The following ROBO2 variants were observed in gnomAD, a reference collection of about 807,000 sequenced individuals.
ROBO2 encodes the protein roundabout guidance receptor 2.
A neutral mutation model predicts 160.8 loss-of-function variants in ROBO2; 53 were observed. The observed-to-expected ratio is 0.33, with a 90% CI of 0.26 to 0.41. The LOEUF (loss-of-function observed/expected upper bound fraction) is 0.41, where lower values mean the gene tolerates loss of function less well. Ranked by LOEUF, ROBO2 falls within the 10% of genes least tolerant of loss-of-function variation. ROBO2 has a pLI of 1.00. For missense variants in ROBO2, 1,577 were observed against 1,722.4 expected, an observed-to-expected ratio of 0.92 and a Z score of 1.49; for synonymous variants, 664 against 611.7, an observed-to-expected ratio of 1.09 and a Z score of -1.26.
intron 2 of ROBO2, among the ~76,000 whole-genome samples, chr3:76,335,157 A>G (rs937294896): frequency 8.7e-5 from 13 of 148,580 alleles, no homozygotes; most frequent in Non-Finnish European, 1.6e-4. Flanking sequence ...ATGAGCCACC[A>G]CATCCAAACT....
intron 2 of ROBO2, among the ~76,000 whole-genome samples, chr3:76,836,286 A>G (rs7622753): frequency 0.13 from 19,385 of 151,890 alleles, 1,392 homozygotes; most frequent in East Asian, 0.24. Flanking sequence ...ATTTTCCCAC[A>G]TCAGATATTC....
chr3:76,955,886 G>A (rs2079216366), intron 2 of ROBO2, among the ~76,000 whole-genome samples: 2 of 108,644 alleles, frequency 1.8e-5, no homozygotes, highest in African/African-American at 3.3e-5. Flanking sequence ...GTGAGACTCC[G>A]TCAAAAAAAA....
At chr3:77,075,472 AG>A (rs1188726233) in intron 1 of ROBO2, among the ~76,000 whole-genome samples, 1 of 152,064 alleles carries the variant, frequency 6.6e-6, no homozygotes, top group Non-Finnish European at 1.5e-5. Context: ...GGGGTAGGGT[AG>A]GGGAGAGGTG....
intron 2 of ROBO2, among the ~76,000 whole-genome samples, chr3:77,134,047 A>G (rs1232633505): frequency 1.3e-5 from 2 of 152,142 alleles, no homozygotes; most frequent in African/African-American, 4.8e-5. Flanking sequence ...GCGGTGGCAC[A>G]TGCCTGTAAT....
intron 2 of ROBO2, among the ~76,000 whole-genome samples, chr3:76,554,865 T>G (rs1463457722): frequency 6.6e-6 from 1 of 151,956 alleles, no homozygotes; most frequent in African/African-American, 2.4e-5. Flanking sequence ...AGTGGGAGAA[T>G]CAGGGAAAAA....
chr3:76,165,762 G>T (rs1401714715), intron 2 of ROBO2, among the ~76,000 whole-genome samples: 1 of 152,034 alleles, frequency 6.6e-6, no homozygotes, highest in Non-Finnish European at 1.5e-5. Context: ...TTTCAATATT[G>T]TTGTATCTCA....
intron 2 of ROBO2, among the ~76,000 whole-genome samples, chr3:76,643,710 G>C (rs1194079959): frequency 6.6e-6 from 1 of 151,966 alleles, no homozygotes; most frequent in Non-Finnish European, 1.5e-5. Context: ...ATGCTATCTG[G>C]ACATTCTTTA....
intron 2 of ROBO2, among the ~76,000 whole-genome samples, chr3:77,354,441 CA>C (rs1359889413): frequency 3.2e-4 from 3 of 9,502 alleles, no homozygotes; most frequent in Admixed American, 2.1e-3. Context: ...GAATTTGCAT[CA>C]TGAATTTGCA....
At chr3:77,437,276 T>A (rs1004547594) in intron 2 of ROBO2, among the ~76,000 whole-genome samples, 2 of 152,026 alleles carry the variant, frequency 1.3e-5, no homozygotes, top group Non-Finnish European at 2.9e-5. Context: ...TAAAAGTTTG[T>A]TTATGATATG....
intron 2 of ROBO2, among the ~76,000 whole-genome samples, chr3:76,761,553 G>A (rs1468539952): frequency 3.3e-5 from 5 of 151,630 alleles, no homozygotes; most frequent in Non-Finnish European, 1.5e-5. Flanking sequence ...AAGAATTTTT[G>A]TTGCCGTTAC....
chr3:77,084,290 C>T (rs2069026139), intron 1 of ROBO2, among the ~76,000 whole-genome samples: 1 of 152,028 alleles, frequency 6.6e-6, no homozygotes, highest in Non-Finnish European at 1.5e-5. Flanking sequence ...AGGCAAACAT[C>T]ATTAAACTCT....
chr3:76,272,677 A>G (rs1302367782), intron 2 of ROBO2, among the ~76,000 whole-genome samples: 5 of 63,542 alleles, frequency 7.9e-5, no homozygotes, highest in Admixed American at 7.0e-4. Context: ...ACATACACAT[A>G]TAAATATATA....
At chr3:77,531,944 C>G (rs2091761763) in intron 6 of ROBO2, among the ~76,000 whole-genome samples, 1 of 152,074 alleles carries the variant, frequency 6.6e-6, no homozygotes, top group Admixed American at 6.6e-5. Context: ...GTCCCATTTA[C>G]TTATTATTAA....
intron 2 of ROBO2, among the ~76,000 whole-genome samples, chr3:77,217,942 T>C (rs2085201682): frequency 1.3e-5 from 2 of 152,214 alleles, no homozygotes; most frequent in African/African-American, 2.4e-5. Flanking sequence ...TGAGATTATC[T>C]CATTATTTTG....
chr3:77,234,165 C>T (rs752118830), intron 2 of ROBO2, among the ~76,000 whole-genome samples: 1 of 152,034 alleles, frequency 6.6e-6, no homozygotes, highest in Admixed American at 6.6e-5. Flanking sequence ...AGGACAGGAT[C>T]CTCCCTTCAT....
chr3:76,368,519 G>C (rs2075948082), intron 2 of ROBO2, among the ~76,000 whole-genome samples: 3 of 151,840 alleles, frequency 2.0e-5, no homozygotes. Flanking sequence ...CTGGAAGGCA[G>C]GGCTCAGCTG....
At chr3:75,966,996 A>ATGTG (rs148962233) in intron 2 of ROBO2, among the ~76,000 whole-genome samples, 1 of 151,014 alleles carries the variant, frequency 6.6e-6, no homozygotes, top group African/African-American at 2.4e-5. Flanking sequence ...GATTTCCACA[A>ATGTG]TGTGTGTGTG....
chr3:77,237,044 T>C (rs974679639), intron 2 of ROBO2, among the ~76,000 whole-genome samples: 2 of 152,108 alleles, frequency 1.3e-5, no homozygotes, highest in African/African-American at 2.4e-5. Flanking sequence ...CAGTGCTTTT[T>C]AAATTTTGTA....
intron 2 of ROBO2, among the ~76,000 whole-genome samples, chr3:75,977,412 G>C (rs2065161204): frequency 6.6e-6 from 1 of 151,528 alleles, no homozygotes; most frequent in Non-Finnish European, 1.5e-5. Context: ...GTTAATTGTA[G>C]ACATAAAAAA....
Sources: gnomAD v4.1 joint callset for allele counts (sites outside exome capture counted in the v4.1 genomes callset) on GRCh38, gnomAD v4.1.1 for gene constraint, MANE v1.5 for transcripts, NCBI Gene and HGNC (gene_info 2026-07-23, HGNC 2026-07-21) for gene names.